Variants in SLC25A13 observed in about 807,000 individuals in gnomAD.
SLC25A13 encodes the protein electrogenic aspartate/glutamate antiporter SLC25A13, mitochondrial.
A neutral mutation model predicts 85.5 loss-of-function variants in SLC25A13; 70 were observed. The ratio of observed to expected loss-of-function variants is 0.82; its 90% CI spans 0.68 to 1.00. The LOEUF is 1.00. SLC25A13 is among the 50% of genes least tolerant of loss of function. The probability of loss-of-function intolerance (pLI) is 0.00; values close to 1 mark genes in which losing one functional copy is unlikely to be tolerated. For synonymous variants in SLC25A13, 259 were observed against 288.7 expected (o/e 0.90, Z 1.04); for missense variants, 765 against 819.8 (o/e 0.93, Z 0.82).
At chr7:96,281,342 G>A (rs1798668970) in intron 2 of SLC25A13, among the ~76,000 whole-genome samples, 1 of 145,788 alleles carries the variant, frequency 6.9e-6, no homozygotes, top group African/African-American at 2.6e-5. Flanking sequence ...AGTGAGCTGA[G>A]ACCGCCCCAT....
At chr7:96,161,272 A>G (rs1441240669) in intron 13 of SLC25A13, among the ~76,000 whole-genome samples, 1 of 152,198 alleles carries the variant, frequency 6.6e-6, no homozygotes, top group Non-Finnish European at 1.5e-5. Context: ...TGATCATGGA[A>G]TACTTTCTTG....
intron 2 of SLC25A13, among the ~76,000 whole-genome samples, chr7:96,285,999 C>T (rs750425177): frequency 3.3e-5 from 5 of 152,108 alleles, no homozygotes; most frequent in African/African-American, 7.2e-5. Flanking sequence ...AAACATCTGT[C>T]GTTGGCCAGG....
chr7:96,178,518 G>A (rs1794309081), intron 11 of SLC25A13, among the ~76,000 whole-genome samples: 1 of 152,114 alleles, frequency 6.6e-6, no homozygotes, highest in African/African-American at 2.4e-5. Context: ...TGTAGCTGAA[G>A]CCACAGCCAG....
intron 1 of SLC25A13, among the ~76,000 whole-genome samples, chr7:96,304,467 T>G (rs1010969269): frequency 3.5e-4 from 53 of 152,212 alleles, no homozygotes; most frequent in African/African-American, 1.3e-3. Flanking sequence ...ATTCTGATAT[T>G]AAGAGGCAGA....
At chr7:96,266,525 A>AGAG (rs1798047573) in intron 3 of SLC25A13, among the ~76,000 whole-genome samples, 1 of 152,176 alleles carries the variant, frequency 6.6e-6, no homozygotes, top group African/African-American at 2.4e-5. Flanking sequence ...GAGCTGGGTA[A>AGAG]GAGGAGGAGG....
At chr7:96,182,792 A>G (rs899116006) in intron 11 of SLC25A13, among the ~76,000 whole-genome samples, 1 of 152,202 alleles carries the variant, frequency 6.6e-6, no homozygotes, top group Non-Finnish European at 1.5e-5. Flanking sequence ...AAAGACACTG[A>G]GCAGTGTTGG....
chr7:96,161,816 G>A (rs542351587), intron 13 of SLC25A13, among the ~76,000 whole-genome samples: 16 of 152,168 alleles, frequency 1.1e-4, no homozygotes, highest in African/African-American at 2.6e-4. Context: ...ACATTTTGGC[G>A]GAGTAGGCAA....
intron 11 of SLC25A13, among the ~76,000 whole-genome samples, chr7:96,180,784 A>G (rs1471439923): frequency 6.6e-6 from 1 of 152,232 alleles, no homozygotes; most frequent in Non-Finnish European, 1.5e-5. Context: ...AAGAGCATTT[A>G]ATTATGGATG....
At chr7:96,154,743 T>C (rs1793190958) in intron 13 of SLC25A13, among the ~76,000 whole-genome samples, 1 of 152,158 alleles carries the variant, frequency 6.6e-6, no homozygotes, top group South Asian at 2.1e-4. Context: ...TTACTCATCT[T>C]TTTCTTTTAA....
chr7:96,279,557 T>G (rs80231649), intron 2 of SLC25A13, among the ~76,000 whole-genome samples: 1 of 152,144 alleles, frequency 6.6e-6, no homozygotes, highest in African/African-American at 2.4e-5. Context: ...ATGAGACTTA[T>G]TCACTACTAC....
At chr7:96,170,855 C>T (rs1562812498) in intron 12 of SLC25A13, among the ~76,000 whole-genome samples, 1 of 152,080 alleles carries the variant, frequency 6.6e-6, no homozygotes, top group Non-Finnish European at 1.5e-5. Flanking sequence ...TTTGTATATT[C>T]CACAAACGCT....
At chr7:96,243,037 T>C (rs1797051866) in intron 3 of SLC25A13, among the ~76,000 whole-genome samples, 1 of 152,166 alleles carries the variant, frequency 6.6e-6, no homozygotes, top group Non-Finnish European at 1.5e-5. Flanking sequence ...TGATCTCGGC[T>C]CACTGCAACC....
chr7:96,173,621 C>T (rs1432337482), intron 11 of SLC25A13, among the ~76,000 whole-genome samples: 1 of 151,574 alleles, frequency 6.6e-6, no homozygotes, highest in African/African-American at 2.4e-5. Context: ...CACTATGTTG[C>T]CCAGACCAGT....
At chr7:96,291,202 T>G (rs1425865957) in intron 2 of SLC25A13, among the ~76,000 whole-genome samples, 7 of 152,044 alleles carry the variant, frequency 4.6e-5, no homozygotes, top group South Asian at 2.1e-4. Context: ...CGAAATGAAG[T>G]CGGAAATAAA....
At chr7:96,185,105 T>C in intron 9 of SLC25A13, 94 bp from the exon 10 acceptor site, 1 of 892,058 alleles carries the variant, frequency 1.1e-6, no homozygotes, top group Non-Finnish European at 1.7e-6. Flanking sequence ...TAAACATTAC[T>C]CATTGGGTTC....
intron 4 of SLC25A13, among the ~76,000 whole-genome samples, chr7:96,210,519 A>G (rs1795650225): frequency 6.6e-6 from 1 of 152,248 alleles, no homozygotes; most frequent in South Asian, 2.1e-4. Flanking sequence ...CAGCAGCTAA[A>G]ATTTCTTGGG....
intron 7 of SLC25A13, 68 bp from the exon 8 acceptor site, chr7:96,189,742 A>ATTCC: frequency 8.0e-7 from 1 of 1,250,518 alleles, no homozygotes; most frequent in Non-Finnish European, 1.2e-6. Context: ...GCATTAACTC[A>ATTCC]AGGCACTGGA....
At chr7:96,245,450 TTTTA>T (rs1233272211) in intron 3 of SLC25A13, among the ~76,000 whole-genome samples, 2 of 152,196 alleles carry the variant, frequency 1.3e-5, no homozygotes, top group African/African-American at 4.8e-5. Flanking sequence ...GCCTACAAGC[TTTTA>T]AAACTAGAGA....
chr7:96,243,017 T>G (rs954342455), intron 3 of SLC25A13, among the ~76,000 whole-genome samples: 1 of 152,088 alleles, frequency 6.6e-6, no homozygotes, highest in Non-Finnish European at 1.5e-5. Flanking sequence ...CAGGCTGGAG[T>G]GCAATGGCGT....
Sources: allele counts gnomAD v4.1 joint callset (sites outside exome capture counted in the v4.1 genomes callset), GRCh38; gene constraint gnomAD v4.1.1; transcripts MANE v1.5; gene names NCBI Gene and HGNC (gene_info 2026-07-23, HGNC 2026-07-21).